The following DNAH7 variants were observed in gnomAD, a reference collection of about 807,000 sequenced individuals.
DNAH7 encodes the protein dynein axonemal heavy chain 7, also known as axonemal beta dynein heavy chain 7.
DNAH7 carries 397 observed loss-of-function variants against 444.6 expected under a neutral mutation model. The observed-to-expected ratio is 0.89, with a 90% CI of 0.82 to 0.97. The LOEUF is 0.97. Ranked by LOEUF, DNAH7 falls within the 50% of genes least tolerant of loss-of-function variation. The pLI, the probability that DNAH7 is intolerant of heterozygous loss-of-function variation, is 0.00. For missense variants in DNAH7, 4,902 were observed against 4,800.8 expected (o/e 1.02, Z -0.62); for synonymous variants, 1,636 against 1,624.4 (o/e 1.01, Z -0.17).
intron 5 of DNAH7, among the ~76,000 whole-genome samples, chr2:196,045,665 C>A (rs1697075473): frequency 6.6e-6 from 1 of 151,846 alleles, no homozygotes. Flanking sequence ...GTGTGTTATT[C>A]AGAAGGAAGA....
At chr2:195,970,566 T>A (rs1228755047) in intron 16 of DNAH7, among the ~76,000 whole-genome samples, 7 of 152,180 alleles carry the variant, frequency 4.6e-5, no homozygotes, top group Non-Finnish European at 7.4e-5. Context: ...TAAAGCAAGA[T>A]ATTCCAAGGT....
chr2:195,997,948 A>G (rs773340749), intron 12 of DNAH7, among the ~76,000 whole-genome samples: 13 of 152,160 alleles, frequency 8.5e-5, no homozygotes, highest in Admixed American at 3.3e-4. Flanking sequence ...TGGAATTTGG[A>G]TCGTTCGTAT....
chr2:195,956,830 T>C (rs1690697560), intron 19 of DNAH7, among the ~76,000 whole-genome samples: 1 of 152,200 alleles, frequency 6.6e-6, no homozygotes, highest in Admixed American at 6.5e-5. Flanking sequence ...TATTTATCCT[T>C]GCAACTCATC....
At chr2:195,766,447 C>T (rs1267705484) in intron 61 of DNAH7, among the ~76,000 whole-genome samples, 3 of 151,760 alleles carry the variant, frequency 2.0e-5, no homozygotes, top group African/African-American at 4.8e-5. Context: ...GGATTACAGG[C>T]GTGAGCTACC....
At chr2:195,982,237 A>T (rs915328718) in intron 15 of DNAH7, among the ~76,000 whole-genome samples, 10 of 152,256 alleles carry the variant, frequency 6.6e-5, no homozygotes, top group African/African-American at 2.2e-4. Flanking sequence ...GGTGCTCAAC[A>T]TCACCAATCA....
chr2:196,026,765 G>A lies in DNAH7; in HGVS notation c.662C>T (p.Ser221Phe). ...REDYLLSVRK[S>F]IVDFVLKDPR... ...AAAGCATAATACCAATTTACCTATGGATTTCCTTACACTAAGAAGATAATC... is the reference window on the plus strand; with the variant it reads ...AAAGCATAATACCAATTTACCTATGAATTTCCTTACACTAAGAAGATAATC... The change falls in exon 7 of 65, where the codon TCC becomes TTC. Residue 221 changes from serine to phenylalanine, a missense_variant. Ser to Phe is a radical substitution (Grantham distance 155). Transcript: ENST00000312428. 1.9e-6 allele frequency: 3 copies of A among 1,603,990 alleles called. No homozygotes were observed. The highest frequency in any genetic ancestry group is 2.6e-6 in the Non-Finnish European group (3 of 1,173,222).
intron 40 of DNAH7, among the ~76,000 whole-genome samples, chr2:195,869,731 G>T (rs892658525): frequency 6.6e-6 from 1 of 151,908 alleles, no homozygotes; most frequent in Admixed American, 6.6e-5. Flanking sequence ...GAGGATGAGA[G>T]CAGGAGGCAG....
chr2:196,016,851 T>G (rs1695050356), intron 9 of DNAH7, among the ~76,000 whole-genome samples: 1 of 152,088 alleles, frequency 6.6e-6, no homozygotes, highest in Admixed American at 6.5e-5. Flanking sequence ...CACTCAAAAT[T>G]TATAAAGAAA....
intron 25 of DNAH7, 95 bp downstream of exon 25, chr2:195,909,932 A>G: frequency 7.9e-6 from 10 of 1,266,122 alleles, no homozygotes. Context: ...CTTAAGCTAC[A>G]GTAAATCTTT....
chr2:195,795,105 G>A (rs1161425847), intron 56 of DNAH7, among the ~76,000 whole-genome samples: 1 of 152,200 alleles, frequency 6.6e-6, no homozygotes, highest in Non-Finnish European at 1.5e-5. Flanking sequence ...GATAGGCCAG[G>A]CATGATGGCT....
chr2:195,750,218 G>T lies in DNAH7; in HGVS notation c.11764+4119C>A, dbSNP rs377304896. Among the ~76,000 whole-genome samples, 4 of 152,142 alleles carry T rather than the reference G, an allele frequency of 2.6e-5. 1 individual carries two copies. The South Asian group carries it at 6.2e-4, about 24-fold the overall frequency. On this transcript the variant is annotated intron_variant, in intron 63 of 64. Coordinates refer to ENST00000312428, the MANE Select transcript of DNAH7 (RefSeq NM_018897.3). Reference sequence around the variant, plus strand: ...TTCACCTTCTTTTATAAGAGCTTCTGTGGATTAAATTAGTAAATCAACGTA... The same window carrying T: ...TTCACCTTCTTTTATAAGAGCTTCTTTGGATTAAATTAGTAAATCAACGTA...
chr2:196,052,941 T>A (rs1697568965), intron 2 of DNAH7, among the ~76,000 whole-genome samples: 1 of 152,228 alleles, frequency 6.6e-6, no homozygotes, highest in Admixed American at 6.5e-5. Flanking sequence ...TGTGCTGGGC[T>A]CATAGACTAA....
chr2:196,013,752 T>C (rs565565641), intron 9 of DNAH7, among the ~76,000 whole-genome samples: 1 of 152,354 alleles, frequency 6.6e-6, no homozygotes, highest in East Asian at 1.9e-4. Flanking sequence ...AATTGAGCAA[T>C]GTAATGTTTT....
intron 15 of DNAH7, among the ~76,000 whole-genome samples, chr2:195,981,651 A>T (rs1444719223): frequency 1.3e-5 from 2 of 152,164 alleles, no homozygotes; most frequent in Admixed American, 6.5e-5. Context: ...GAACACAGAA[A>T]CCAATTCATA....
chr2:195,786,344 AT>A (rs1695621043), intron 58 of DNAH7, among the ~76,000 whole-genome samples: 1 of 152,208 alleles, frequency 6.6e-6, no homozygotes, highest in South Asian at 2.1e-4. Flanking sequence ...AAGGCCTCAT[AT>A]TTTTATAGGA....
At chr2:196,005,291 CA>C (rs1298297540) in intron 10 of DNAH7, among the ~76,000 whole-genome samples, 2 of 145,900 alleles carry the variant, frequency 1.4e-5, no homozygotes, top group African/African-American at 5.4e-5. Flanking sequence ...AACAAACAAA[CA>C]AACAAACAAA....
At chr2:195,856,046 T>G (rs1344029745) in intron 44 of DNAH7, 55 bp from the exon 45 acceptor site, 1 of 1,502,264 alleles carries the variant, frequency 6.7e-7, no homozygotes. Context: ...CAGTACACTT[T>G]CTATCACTGA....
intron 48 of DNAH7, among the ~76,000 whole-genome samples, chr2:195,829,469 A>G (rs1697954722): frequency 6.6e-6 from 1 of 152,068 alleles, no homozygotes; most frequent in African/African-American, 2.4e-5. Flanking sequence ...TAACAGTCAT[A>G]ACAGATATCA....
chr2:195,978,755 A>G (rs1001126254), intron 15 of DNAH7, among the ~76,000 whole-genome samples: 1 of 152,162 alleles, frequency 6.6e-6, no homozygotes, highest in Admixed American at 6.5e-5. Flanking sequence ...AATGAAAACC[A>G]AAAGAGACCC....
Sources: allele counts gnomAD v4.1 joint callset (sites outside exome capture counted in the v4.1 genomes callset), GRCh38; gene constraint gnomAD v4.1.1; transcripts MANE v1.5; gene names NCBI Gene and HGNC (gene_info 2026-07-23, HGNC 2026-07-21).